The following MACROD2 variants were observed in gnomAD, a reference collection of about 807,000 sequenced individuals.
MACROD2 encodes the protein ADP-ribose glycohydrolase MACROD2.
A neutral mutation model predicts 70.4 loss-of-function variants in MACROD2; 36 were observed. The observed-to-expected ratio is 0.51, with a 90% confidence interval of 0.39 to 0.68. The LOEUF is 0.68. Ranked by LOEUF, MACROD2 falls within the 30% of genes least tolerant of loss-of-function variation. The pLI is 0.00. For missense variants in MACROD2, 496 were observed against 538.4 expected (o/e 0.92, Z 0.78); for synonymous variants, 172 against 178.8 (o/e 0.96, Z 0.30).
intron 3 of MACROD2, among the ~76,000 whole-genome samples, chr20:14,368,209 T>C (rs1333375222): frequency 6.6e-6 from 1 of 152,194 alleles, no homozygotes; most frequent in African/African-American, 2.4e-5. Context: ...CTTCTTTTGA[T>C]GGGGCATAGT....
At chr20:15,408,862 G>A (rs1166403633) in intron 6 of MACROD2, among the ~76,000 whole-genome samples, 2 of 152,228 alleles carry the variant, frequency 1.3e-5, no homozygotes, top group Non-Finnish European at 2.9e-5. Flanking sequence ...GTTGATTTGT[G>A]AAAATGGGAT....
chr20:15,947,744 A>G (rs1450616230), intron 12 of MACROD2, among the ~76,000 whole-genome samples: 2 of 152,192 alleles, frequency 1.3e-5, no homozygotes, highest in African/African-American at 2.4e-5. Flanking sequence ...AACAGTTTCT[A>G]TAATGCTGTT....
Position 14,942,266 on chromosome 20 carries a change from A to T in MACROD2, c.418+257307A>T, listed in dbSNP as rs539482484. Among the ~76,000 whole-genome samples, 17 of 152,238 alleles carry T rather than the reference A, an allele frequency of 1.1e-4. No individual in the cohort carries two copies. In the South Asian group the frequency reaches 2.5e-3, roughly 22 times the overall value. ...TAAATGTCATATATGAATTAAAGTT[A>T]CTTTTCTTAAAAGTCAACTTGTTAG... On this transcript the variant is annotated intron_variant, in intron 5 of 17. Coordinates refer to ENST00000684519, the MANE Select transcript of MACROD2 (RefSeq NM_001351661.2).
intron 4 of MACROD2, among the ~76,000 whole-genome samples, chr20:14,622,242 A>G (rs967077807): frequency 2.0e-5 from 3 of 152,120 alleles, no homozygotes; most frequent in African/African-American, 4.8e-5. Context: ...ATCCCATGAC[A>G]TGAAGAGAAA....
intron 8 of MACROD2, among the ~76,000 whole-genome samples, chr20:15,650,274 C>T (rs1312580441): frequency 2.0e-5 from 3 of 152,178 alleles, no homozygotes; most frequent in Non-Finnish European, 2.9e-5. Context: ...CGTCAACCTC[C>T]TTTCCTGTTG....
chr20:14,397,144 G>A (rs1459450758), intron 3 of MACROD2, among the ~76,000 whole-genome samples: 1 of 151,454 alleles, frequency 6.6e-6, no homozygotes, highest in Admixed American at 6.6e-5. Context: ...ACAGGCATGT[G>A]CCACCACACC....
intron 9 of MACROD2, among the ~76,000 whole-genome samples, chr20:15,875,632 T>C (rs1247136560): frequency 6.6e-6 from 1 of 151,830 alleles, no homozygotes; most frequent in Non-Finnish European, 1.5e-5. Context: ...GCAGCCGGCA[T>C]AGACAGAAAG....
At chr20:14,201,580 G>A (rs946185825) in intron 3 of MACROD2, among the ~76,000 whole-genome samples, 4 of 151,818 alleles carry the variant, frequency 2.6e-5, no homozygotes, top group Non-Finnish European at 5.9e-5. Context: ...GGTGGCTCAC[G>A]TCTGTAATAC....
intron 3 of MACROD2, among the ~76,000 whole-genome samples, chr20:14,405,080 C>A (rs1186060976): frequency 2.6e-5 from 4 of 152,042 alleles, no homozygotes; most frequent in Non-Finnish European, 4.4e-5. Flanking sequence ...TCTAAACTTA[C>A]ATGTATCTAA....
At chr20:14,013,546 A>T (rs1449453170) in intron 2 of MACROD2, among the ~76,000 whole-genome samples, 1 of 152,078 alleles carries the variant, frequency 6.6e-6, no homozygotes, top group African/African-American at 2.4e-5. Context: ...TGCTGGGATT[A>T]CAGGCGTTAG....
intron 15 of MACROD2, among the ~76,000 whole-genome samples, chr20:16,015,811 G>A (rs2066921145): frequency 6.6e-6 from 1 of 151,954 alleles, no homozygotes; most frequent in African/African-American, 2.4e-5. Flanking sequence ...GAACTATTGT[G>A]GTTATTCACT....
intron 5 of MACROD2, among the ~76,000 whole-genome samples, chr20:14,957,035 A>G (rs2074542701): frequency 6.6e-6 from 1 of 152,218 alleles, no homozygotes; most frequent in Admixed American, 6.5e-5. Flanking sequence ...GACAATAAGC[A>G]ATAATACTCA....
At chr20:15,671,791 G>A (rs1390981105) in intron 8 of MACROD2, among the ~76,000 whole-genome samples, 3 of 152,204 alleles carry the variant, frequency 2.0e-5, no homozygotes, top group Admixed American at 1.3e-4. Context: ...AACAAGTGAG[G>A]TTGAGTCTGT....
At position 14,894,624 on chromosome 20, in the gene MACROD2, G is replaced by A. The variant is rs558418008; in HGVS notation, c.418+209665G>A. 3.6e-4 allele frequency: 55 copies of A among 152,168 alleles called. 1 individual carries two copies. Among genetic ancestry groups the A allele is most frequent in the African/African-American group, 1.3e-3 (55 of 41,518 alleles). 9.4% of individuals were successfully genotyped at this position (152,168 alleles called of 1,614,324 possible). On this transcript the variant is annotated intron_variant, in intron 5 of 17. Coordinates refer to ENST00000684519, the MANE Select transcript of MACROD2 (RefSeq NM_001351661.2). ...GTTAATATTTCAGTCAAATTCTAATGCATTAGGAATTTGTTAATATTGCAT... is the reference window on the plus strand; with the variant it reads ...GTTAATATTTCAGTCAAATTCTAATACATTAGGAATTTGTTAATATTGCAT...
chr20:14,604,842 T>C lies in MACROD2; in HGVS notation c.302-80001T>C, dbSNP rs568123752. On this transcript the variant is annotated intron_variant, in intron 4 of 17. Transcript: ENST00000684519. ...TTCTTCAAGGAAGAAGATCCCCTCA[T>C]ACTTCATATTCACATGACTAAGAAG... is the stretch of plus-strand genomic sequence containing the variant. Among the ~76,000 whole-genome samples the C allele has an allele frequency of 6.6e-5, 10 of 152,298 alleles. No homozygotes were observed. The East Asian group carries it at 9.7e-4, about 15-fold the overall frequency.
intron 3 of MACROD2, among the ~76,000 whole-genome samples, chr20:14,430,844 C>T (rs1386249048): frequency 1.3e-5 from 2 of 152,086 alleles, no homozygotes; most frequent in Non-Finnish European, 2.9e-5. Context: ...TAGAGGTAAG[C>T]GCCTTCACCT....
At chr20:15,543,864 C>A (rs528218701) in intron 8 of MACROD2, among the ~76,000 whole-genome samples, 1 of 152,342 alleles carries the variant, frequency 6.6e-6, no homozygotes, top group African/African-American at 2.4e-5. Flanking sequence ...ACAAGCCAGC[C>A]TGCCTGGACA....
intron 5 of MACROD2, among the ~76,000 whole-genome samples, chr20:15,082,545 TTC>T (rs1491313309): frequency 1.4e-5 from 2 of 144,040 alleles, no homozygotes; most frequent in African/African-American, 5.1e-5. Flanking sequence ...TTTTTTTTTT[TTC>T]CTAAGCTGAA....
intron 3 of MACROD2, among the ~76,000 whole-genome samples, chr20:14,273,755 C>G (rs878926707): frequency 6.6e-6 from 1 of 152,024 alleles, no homozygotes; most frequent in East Asian, 1.9e-4. Flanking sequence ...TAGCAAGACT[C>G]ATAAAGAAGA....
Sources: allele counts gnomAD v4.1 joint callset (sites outside exome capture counted in the v4.1 genomes callset), GRCh38; gene constraint gnomAD v4.1.1; transcripts MANE v1.5; gene names NCBI Gene and HGNC (gene_info 2026-07-23, HGNC 2026-07-21).